NCOA2: variants seen among roughly 807,000 people sequenced by gnomAD.
NCOA2 encodes the protein nuclear receptor coactivator 2.
In NCOA2, 21 loss-of-function variants were observed where a neutral mutation model predicts 145.1. That is an observed-to-expected ratio of 0.14 (90% CI 0.10 to 0.21). The LOEUF is 0.21. Among genes scored for constraint, NCOA2 ranks in the 10% least tolerant of loss-of-function variants. The pLI, the probability that NCOA2 is intolerant of heterozygous loss-of-function variation, is 1.00. For missense variants in NCOA2, 1,472 were observed against 1,837.6 expected (o/e 0.80, Z 3.64); for synonymous variants, 619 against 637.5 (o/e 0.97, Z 0.44).
intron 8 of NCOA2, 100 bp from the exon 9 acceptor site, chr8:70,162,954 G>C: frequency 8.3e-7 from 1 of 1,198,156 alleles, no homozygotes; most frequent in Non-Finnish European, 1.1e-6. Context: ...TCACTCTATC[G>C]TCCAGGCTGG....
At chr8:70,302,199 T>C (rs977595575) in intron 1 of NCOA2, among the ~76,000 whole-genome samples, 3 of 152,162 alleles carry the variant, frequency 2.0e-5, no homozygotes, top group Non-Finnish European at 4.4e-5. Flanking sequence ...TGTGTCCTAA[T>C]ATATAGCCTT....
At chr8:70,403,410 C>T (rs1190539062) in intron 1 of NCOA2, among the ~76,000 whole-genome samples, 1 of 151,656 alleles carries the variant, frequency 6.6e-6, no homozygotes, top group East Asian at 2.0e-4. Context: ...TCGCAAGGCG[C>T]TGGAGCGCCT....
At chr8:70,386,683 T>C in intron 1 of NCOA2, among the ~76,000 whole-genome samples, 1 of 152,208 alleles carries the variant, frequency 6.6e-6, no homozygotes, top group East Asian at 1.9e-4. Context: ...TCTTCCTTAG[T>C]GATAACCAGA....
intron 4 of NCOA2, among the ~76,000 whole-genome samples, chr8:70,195,138 C>A (rs1055844747): frequency 6.6e-6 from 1 of 152,170 alleles, no homozygotes; most frequent in African/African-American, 2.4e-5. Context: ...CAAGTCAGCA[C>A]TCTGTATGTG....
intron 2 of NCOA2, among the ~76,000 whole-genome samples, chr8:70,274,529 T>C (rs981834667): frequency 2.0e-5 from 3 of 152,208 alleles, no homozygotes. Flanking sequence ...ACAAAATTCT[T>C]TTGCTTTATG....
chr8:70,365,887 C>G (rs757968233), intron 1 of NCOA2, among the ~76,000 whole-genome samples: 2 of 152,172 alleles, frequency 1.3e-5, no homozygotes, highest in Non-Finnish European at 2.9e-5. Flanking sequence ...AGCAAAACCA[C>G]AGGTGCAAGA....
intron 2 of NCOA2, among the ~76,000 whole-genome samples, chr8:70,294,925 TA>T (rs1446151375): frequency 6.6e-6 from 1 of 152,222 alleles, no homozygotes; most frequent in Non-Finnish European, 1.5e-5. Context: ...ATTGCACTTG[TA>T]AAATAGATGT....
At chr8:70,383,292 G>T (rs1366154001) in intron 1 of NCOA2, among the ~76,000 whole-genome samples, 1 of 152,150 alleles carries the variant, frequency 6.6e-6, no homozygotes. Context: ...AGCTGGACCA[G>T]GAATTACCTC....
At chr8:70,316,571 G>A (rs1300644963) in intron 1 of NCOA2, among the ~76,000 whole-genome samples, 1 of 151,754 alleles carries the variant, frequency 6.6e-6, no homozygotes, top group Non-Finnish European at 1.5e-5. Flanking sequence ...CCTACACTAG[G>A]TCCCAACAGA....
Position 70,127,413 on chromosome 8 carries a change from GAC to G in NCOA2, c.3682-368_3682-367del, listed in dbSNP as rs1808549524. On this transcript the variant is annotated intron_variant, in intron 18 of 22. Transcript: ENST00000452400. Reference sequence around the variant, plus strand: ...TGGTAGTTTAGAGTCTCATTCAAGTGACATTCAAGTCTATAGAGAAATAAAAT... The same window carrying G: ...TGGTAGTTTAGAGTCTCATTCAAGTGATTCAAGTCTATAGAGAAATAAAAT... Among the ~76,000 whole-genome samples, 4 of 152,180 alleles carry G rather than the reference GAC, an allele frequency of 2.6e-5. No individual in the cohort carries two copies. The South Asian group carries it at 8.3e-4, about 32-fold the overall frequency.
chr8:70,431,043 T>C, the NCOA2 span, among the ~76,000 whole-genome samples: 1 of 152,136 alleles, frequency 6.6e-6, no homozygotes, highest in Non-Finnish European at 1.5e-5. Flanking sequence ...TTGTTGCAAA[T>C]GACATTAAAA....
At chr8:70,443,611 A>G in the NCOA2 span, among the ~76,000 whole-genome samples, 1 of 152,104 alleles carries the variant, frequency 6.6e-6, no homozygotes, top group Non-Finnish European at 1.5e-5. Context: ...CTCAGGCTGG[A>G]GTGCACTGGC....
chr8:70,411,288 A>G, the NCOA2 span, among the ~76,000 whole-genome samples: 1 of 152,206 alleles, frequency 6.6e-6, no homozygotes, highest in Non-Finnish European at 1.5e-5. Context: ...AATGTGATAA[A>G]AGGGGAAAAA....
the NCOA2 span, among the ~76,000 whole-genome samples, chr8:70,452,301 T>C: frequency 2.0e-5 from 3 of 152,132 alleles, no homozygotes; most frequent in African/African-American, 7.2e-5. Flanking sequence ...TAGTCAGTTC[T>C]CCAAAGAAAT....
intron 20 of NCOA2, among the ~76,000 whole-genome samples, 200 bp downstream of exon 20, chr8:70,124,488 G>A (rs1250402078): frequency 1.3e-5 from 2 of 152,006 alleles, no homozygotes; most frequent in Non-Finnish European, 2.9e-5. Flanking sequence ...ATTCTTTGGA[G>A]GAACAAGAAC....
Position 70,112,794 on chromosome 8 carries a change from G to T in NCOA2, c.*838C>A, listed in dbSNP as rs74776423. 3.2e-3 allele frequency: 664 copies of T among 209,488 alleles called. 1 individual carries two copies. Among genetic ancestry groups the T allele is most frequent in the Middle Eastern group, 6.2e-3 (4 of 650 alleles). The allele number at this position is 209,488 out of a possible 1,614,324, so 13.0% of individuals were successfully genotyped here. A position where few individuals can be genotyped will look rare whatever the true frequency, so the allele number is the denominator to read the frequency against. ...AGTATGGGGAATGAGAGAGGGGAAG[G>T]GAAGAGTCAGGCTGACAGGGAAGAA... On this transcript the variant is annotated 3_prime_UTR_variant, in exon 23 of 23. Transcript: ENST00000452400.
chr8:70,409,160 T>C, the NCOA2 span, among the ~76,000 whole-genome samples: 1 of 152,198 alleles, frequency 6.6e-6, no homozygotes, highest in Non-Finnish European at 1.5e-5. Context: ...TTCAATGCAA[T>C]CCCAATCAAA....
At chr8:70,253,518 A>G (rs1261016341) in intron 2 of NCOA2, among the ~76,000 whole-genome samples, 1 of 152,170 alleles carries the variant, frequency 6.6e-6, no homozygotes, top group African/African-American at 2.4e-5. Flanking sequence ...TCACTGAGAA[A>G]TGATGAAACT....
chr8:70,232,830 C>T (rs1308014752), intron 2 of NCOA2, among the ~76,000 whole-genome samples: 1 of 150,362 alleles, frequency 6.7e-6, no homozygotes, highest in Non-Finnish European at 1.5e-5. Context: ...GTCTGGGATT[C>T]CTTTATCCCC....
Sources: allele counts gnomAD v4.1 joint callset (sites outside exome capture counted in the v4.1 genomes callset), GRCh38; gene constraint gnomAD v4.1.1; transcripts MANE v1.5; gene names NCBI Gene and HGNC (gene_info 2026-07-23, HGNC 2026-07-21).